The following GATB variants were observed in gnomAD, a reference collection of about 807,000 sequenced individuals.
GATB encodes glutamyl-tRNA amidotransferase subunit B.
Under a neutral mutation model 62.3 loss-of-function variants are expected in GATB, and 39 were observed. That is an observed-to-expected ratio of 0.63 (90% confidence interval 0.48 to 0.82). GATB has a LOEUF of 0.82. Among genes scored for constraint, GATB ranks in the 40% least tolerant of loss-of-function variants. The pLI is 0.00. For synonymous variants in GATB, 276 were observed against 258.9 expected (o/e 1.07, Z -0.63); for missense variants, 670 against 684.0 (o/e 0.98, Z 0.23).
chr4:151,693,910 G>A (rs1345753214), intron 9 of GATB, among the ~76,000 whole-genome samples: 4 of 152,102 alleles, frequency 2.6e-5, no homozygotes, highest in Non-Finnish European at 5.9e-5. Context: ...AACCAGTTTG[G>A]GAATAACAAC....
chr4:151,753,084 C>T (rs893193782), intron 2 of GATB, among the ~76,000 whole-genome samples: 4 of 152,262 alleles, frequency 2.6e-5, no homozygotes, highest in South Asian at 4.1e-4. Context: ...CCTAAGTTCC[C>T]GCACTGGGGC....
intron 2 of GATB, among the ~76,000 whole-genome samples, chr4:151,729,642 G>A (rs1377733967): frequency 1.3e-5 from 2 of 152,120 alleles, no homozygotes; most frequent in African/African-American, 4.8e-5. Flanking sequence ...AAAAATCTAG[G>A]TGCAGGATGG....
At chr4:151,682,012 T>C (rs6810860) in intron 10 of GATB, among the ~76,000 whole-genome samples, 90,817 of 152,066 alleles carry the variant, frequency 0.6, 29,657 homozygotes, top group African/African-American at 0.88. Context: ...AACATTCAGA[T>C]CGCCGCAATG....
intron 3 of GATB, among the ~76,000 whole-genome samples, chr4:151,718,103 G>A (rs1310817678): frequency 2.0e-5 from 3 of 152,188 alleles, no homozygotes; most frequent in Admixed American, 1.3e-4. Context: ...TGCTTGGCCC[G>A]ACCTCAAAGG....
intron 2 of GATB, among the ~76,000 whole-genome samples, chr4:151,755,485 C>G (rs998284428): frequency 2.6e-5 from 4 of 152,182 alleles, no homozygotes; most frequent in African/African-American, 7.2e-5. Context: ...TTTCCAAGGA[C>G]AGATTCCTAA....
intron 1 of GATB, 88 bp from the exon 2 acceptor site, chr4:151,759,010 C>T: frequency 1.1e-6 from 1 of 899,774 alleles, no homozygotes; most frequent in East Asian, 2.6e-5. Flanking sequence ...TGTTAATTTC[C>T]TATATGTGTT....
At chr4:151,759,791 CAT>C (rs111549700) in intron 1 of GATB, among the ~76,000 whole-genome samples, 50 of 150,080 alleles carry the variant, frequency 3.3e-4, no homozygotes, top group East Asian at 1.9e-3. Context: ...TGTGTATATA[CAT>C]ATATATATAT....
intron 9 of GATB, among the ~76,000 whole-genome samples, chr4:151,699,009 T>C (rs535728797): frequency 6.6e-6 from 1 of 152,192 alleles, no homozygotes; most frequent in African/African-American, 2.4e-5. Flanking sequence ...TGCATGTGTA[T>C]GTATAAATTC....
At chr4:151,698,704 C>T (rs1738537486) in intron 9 of GATB, among the ~76,000 whole-genome samples, 1 of 152,182 alleles carries the variant, frequency 6.6e-6, no homozygotes, top group Admixed American at 6.5e-5. Context: ...TTGTCTGAAT[C>T]ATTCTCTTTC....
At chr4:151,740,353 C>T (rs1022666992) in intron 2 of GATB, among the ~76,000 whole-genome samples, 13 of 152,334 alleles carry the variant, frequency 8.5e-5, no homozygotes, top group South Asian at 2.1e-4. Context: ...CAGCCCTCTA[C>T]ACACCTAGGC....
intron 10 of GATB, 26 bp from the exon 11 acceptor site, chr4:151,679,917 C>T (rs1560840861): frequency 1.2e-6 from 2 of 1,601,996 alleles, no homozygotes; most frequent in Admixed American, 1.7e-5. Flanking sequence ...AGAGAAAACA[C>T]ATTTACATTG....
intron 2 of GATB, among the ~76,000 whole-genome samples, chr4:151,737,582 T>C (rs1032929914): frequency 5.3e-5 from 8 of 152,178 alleles, no homozygotes; most frequent in African/African-American, 1.9e-4. Context: ...AGAATGTTAA[T>C]CCCCAAGACA....
chr4:151,719,786 C>A (rs1738991679), intron 2 of GATB: 1 of 340,008 alleles, frequency 2.9e-6, no homozygotes, highest in Non-Finnish European at 5.3e-6. Context: ...ATCGGGAACC[C>A]TTTCCCCCAG....
intron 2 of GATB, among the ~76,000 whole-genome samples, chr4:151,745,234 G>A (rs553271025): frequency 1.5e-4 from 23 of 152,138 alleles, no homozygotes; most frequent in African/African-American, 4.1e-4. Context: ...ATAAATGTAC[G>A]TATTTAAAGA....
chr4:151,674,680 A>AGAT (rs970496858), intron 11 of GATB: 3 of 152,240 alleles, frequency 2.0e-5, no homozygotes, highest in East Asian at 1.9e-4. Flanking sequence ...CTTAATAAAA[A>AGAT]GATCTAGCTA....
intron 10 of GATB, among the ~76,000 whole-genome samples, chr4:151,683,036 T>G (rs1578897795): frequency 6.6e-6 from 1 of 151,898 alleles, no homozygotes; most frequent in East Asian, 1.9e-4. Context: ...CCTCCACCCC[T>G]GCTCAGAACC....
At chr4:151,709,372 C>T (rs1738774903) in intron 5 of GATB, among the ~76,000 whole-genome samples, 1 of 152,186 alleles carries the variant, frequency 6.6e-6, no homozygotes, top group African/African-American at 2.4e-5. Flanking sequence ...TTAGCTCAGA[C>T]ATTACTCTCT....
At position 151,716,236 on chromosome 4, in the gene GATB, A is replaced by G. The variant is rs567338181; in HGVS notation, c.641-105T>C. ...AACCCTGCCTTACTGAAGGACTCTC[A>G]GAGTGGTTCTAGCCTCTCAATCATT... On this transcript the variant is annotated intron_variant, in intron 4 of 12. Coordinates refer to ENST00000263985, the MANE Select transcript of GATB (RefSeq NM_004564.3). The G allele has an allele frequency of 3.3e-5, 43 of 1,283,622 alleles. No individual in the cohort carries two copies. The East Asian group carries it at 1.1e-3, about 33-fold the overall frequency. 79.5% of individuals were successfully genotyped at this position (1,283,622 alleles called of 1,614,324 possible).
intron 6 of GATB, among the ~76,000 whole-genome samples, chr4:151,706,984 T>C (rs1035405739): frequency 5.3e-5 from 8 of 152,256 alleles, no homozygotes; most frequent in African/African-American, 1.4e-4. Context: ...ATATTTATCT[T>C]GCTAAACTAT....
Sources: allele counts gnomAD v4.1 joint callset (sites outside exome capture counted in the v4.1 genomes callset), GRCh38; gene constraint gnomAD v4.1.1; transcripts MANE v1.5; gene names NCBI Gene and HGNC (gene_info 2026-07-23, HGNC 2026-07-21).